The following PREX1 variants were observed in gnomAD, a reference collection of about 807,000 sequenced individuals.
PREX1 encodes the protein phosphatidylinositol 3,4,5-trisphosphate-dependent Rac exchanger 1 protein.
A neutral mutation model predicts 198.3 loss-of-function variants in PREX1; 41 were observed. The observed-to-expected ratio is 0.21, with a 90% CI of 0.16 to 0.27. The LOEUF (loss-of-function observed/expected upper bound fraction) is 0.27. PREX1 is among the 10% of genes least tolerant of loss of function. The probability of loss-of-function intolerance (pLI) is 1.00; values close to 1 mark genes in which losing one functional copy is unlikely to be tolerated. For missense variants in PREX1, 1,620 were observed against 2,200.7 expected, an observed-to-expected ratio of 0.74 and a Z score of 5.28; for synonymous variants, 843 against 887.2, an observed-to-expected ratio of 0.95 and a Z score of 0.89.
the PREX1 span, among the ~76,000 whole-genome samples, chr20:48,879,016 T>A: frequency 6.6e-6 from 1 of 152,182 alleles, no homozygotes; most frequent in Non-Finnish European, 1.5e-5. Context: ...AGAGGAAAAC[T>A]GAGTTCCGGT....
chr20:48,827,165 C>T lies in PREX1; in HGVS notation c.219+477G>A, dbSNP rs566228061. Among the ~76,000 whole-genome samples, 1 of 152,272 alleles carries T rather than the reference C, an allele frequency of 6.6e-6. No homozygotes were observed. Among genetic ancestry groups the T allele is most frequent in the South Asian group, 2.1e-4 (1 of 4,818 alleles). On this transcript the variant is annotated intron_variant, in intron 1 of 39. Transcript: ENST00000371941. This position sits in a 1 kb window ranked among gnomAD's most constrained non-coding sequence, Gnocchi z 4.1. Reference sequence around the variant, plus strand: ...GGGGTTCTGTCAATCCCCGCCCCTCCTCTGAGCTTCAGGTTTTATCCTACT... The same window carrying T: ...GGGGTTCTGTCAATCCCCGCCCCTCTTCTGAGCTTCAGGTTTTATCCTACT...
intron 5 of PREX1, among the ~76,000 whole-genome samples, chr20:48,718,567 G>A (rs1447412253): frequency 7.9e-5 from 12 of 152,114 alleles, no homozygotes; most frequent in Admixed American, 7.9e-4. Context: ...ATAAATATAA[G>A]TGGACGAAAC....
the PREX1 span, among the ~76,000 whole-genome samples, chr20:48,880,624 G>A: frequency 6.6e-6 from 1 of 152,142 alleles, no homozygotes; most frequent in African/African-American, 2.4e-5. Flanking sequence ...CATTTTGGAA[G>A]TTCCAGCCCA....
chr20:48,844,063 C>G, the PREX1 span, among the ~76,000 whole-genome samples: 3 of 152,042 alleles, frequency 2.0e-5, no homozygotes. Context: ...TCACTTGAGT[C>G]TGGGAGGTCG....
the PREX1 span, among the ~76,000 whole-genome samples, chr20:48,870,555 A>G: frequency 1.3e-5 from 2 of 152,296 alleles, no homozygotes; most frequent in East Asian, 1.9e-4. Context: ...AAAAGTTCCA[A>G]TCTTACTTGA....
chr20:48,655,329 G>A lies in PREX1; in HGVS notation c.2170C>T (p.Arg724Cys), dbSNP rs377520743. 6.3e-6 allele frequency: 10 copies of A among 1,599,580 alleles called. No individual in the cohort carries two copies. The highest frequency in any genetic ancestry group is 5.4e-5 in the African/African-American group (4 of 74,352). ...TAGACGTACGGTGGGGCAGCTCCAC[G>A]AATCTGGAAGCACAGTGTGTCCGGC... ...DQPDTLCFQI[R>C]GAAPPYVYAV... Residue 724 changes from arginine to cysteine, a missense_variant, in exon 19 of 40, where the codon CGT (arginine) becomes TGT (cysteine). Coordinates refer to ENST00000371941, the MANE Select transcript of PREX1 (RefSeq NM_020820.4).
intron 14 of PREX1, among the ~76,000 whole-genome samples, chr20:48,671,420 G>A (rs1025661139): frequency 6.6e-6 from 1 of 152,226 alleles, no homozygotes; most frequent in Non-Finnish European, 1.5e-5. Context: ...AGACGGCATT[G>A]TTGAGCTCTA....
chr20:48,752,974 G>C (rs1326890810), intron 1 of PREX1, among the ~76,000 whole-genome samples: 1 of 152,142 alleles, frequency 6.6e-6, no homozygotes, highest in African/African-American at 2.4e-5. Flanking sequence ...CGTCGACTGG[G>C]GTATGGGTAT....
At chr20:48,820,570 G>A (rs1254810043) in intron 1 of PREX1, among the ~76,000 whole-genome samples, 1 of 152,192 alleles carries the variant, frequency 6.6e-6, no homozygotes, top group Non-Finnish European at 1.5e-5. Flanking sequence ...GCATGCTAAT[G>A]CCCCCACACG....
At chr20:48,786,721 G>A (rs1412290006) in intron 1 of PREX1, among the ~76,000 whole-genome samples, 1 of 149,124 alleles carries the variant, frequency 6.7e-6, no homozygotes, top group Admixed American at 6.7e-5. Context: ...CTCCAGCCTG[G>A]GTCACAAAGC....
chr20:48,841,533 T>G, the PREX1 span, among the ~76,000 whole-genome samples: 1 of 152,246 alleles, frequency 6.6e-6, no homozygotes. Context: ...TCTTAGCTAC[T>G]TGGTAAACGC....
chr20:48,649,711 T>C (rs2089478122), intron 24 of PREX1, 135 bp from the exon 25 acceptor site: 1 of 1,120,226 alleles, frequency 8.9e-7, no homozygotes, highest in Non-Finnish European at 1.2e-6. Context: ...TCTTAATTCA[T>C]TCAGTTACTT....
chr20:48,653,277 T>C lies in PREX1; in HGVS notation c.2346+84A>G, dbSNP rs1422289961. On this transcript the variant is annotated intron_variant, in intron 20 of 39. Transcript: ENST00000371941. ...TCACAACCAGTGGTACATGCAGGCT[T>C]TTCTCTAAAGAGAGGACAGCCCTCA... 1.9e-6 allele frequency: 3 copies of C among 1,545,260 alleles called. No homozygotes were observed. The African/African-American group carries it at 4.1e-5, about 21-fold the overall frequency.
At chr20:48,630,704 C>CAGCA (rs1185331245) in intron 36 of PREX1, 24 bp downstream of exon 36, 2 of 1,558,160 alleles carry the variant, frequency 1.3e-6, no homozygotes, top group Admixed American at 1.7e-5. Flanking sequence ...AAGCTCCCTG[C>CAGCA]AGCAGGAGGG....
At chr20:48,727,003 T>C (rs1174909606) in intron 4 of PREX1, among the ~76,000 whole-genome samples, 2 of 152,186 alleles carry the variant, frequency 1.3e-5, no homozygotes, top group African/African-American at 4.8e-5. Flanking sequence ...AAGAAGGATA[T>C]GTACAGTATG....
intron 1 of PREX1, among the ~76,000 whole-genome samples, chr20:48,778,848 C>G (rs556896769): frequency 6.6e-6 from 1 of 152,190 alleles, no homozygotes; most frequent in African/African-American, 2.4e-5. Context: ...CTAAACTACA[C>G]ACTTCATACA....
chr20:48,881,580 G>A, the PREX1 span, among the ~76,000 whole-genome samples: 16,237 of 151,220 alleles, frequency 0.11, 1,103 homozygotes, highest in Non-Finnish European at 0.15. Flanking sequence ...TCTGCCTTCC[G>A]GGTTCAAGGG....
chr20:48,854,160 G>A, the PREX1 span, among the ~76,000 whole-genome samples: 1 of 152,234 alleles, frequency 6.6e-6, no homozygotes, highest in Non-Finnish European at 1.5e-5. Flanking sequence ...TGACTTGTGT[G>A]TGGAGCTGGT....
intron 1 of PREX1, among the ~76,000 whole-genome samples, chr20:48,795,147 G>A (rs753963531): frequency 1.3e-5 from 2 of 152,078 alleles, no homozygotes; most frequent in Non-Finnish European, 2.9e-5. Flanking sequence ...TAAGGACAGG[G>A]GCTCGGGTCT....
Sources: allele counts gnomAD v4.1 joint callset (sites outside exome capture counted in the v4.1 genomes callset), GRCh38; gene constraint gnomAD v4.1.1; non-coding constraint Gnocchi (gnomAD v3.1); transcripts MANE v1.5; gene names NCBI Gene and HGNC (gene_info 2026-07-23, HGNC 2026-07-21).